The following PTGER4 variants were observed in gnomAD, a reference collection of about 807,000 sequenced individuals.
The protein encoded by PTGER4 is prostaglandin E2 receptor EP4 subtype.
In PTGER4, 11 loss-of-function variants were observed where a neutral mutation model predicts 33.2. That is an observed-to-expected ratio of 0.33 (90% CI 0.21 to 0.55). The LOEUF (loss-of-function observed/expected upper bound fraction) is 0.55, where lower values mean the gene tolerates loss of function less well. PTGER4 is among the 20% of genes least tolerant of loss of function. The pLI is 0.92. For missense variants in PTGER4, 481 were observed against 650.2 expected (o/e 0.74, Z 2.83); for synonymous variants, 275 against 281.5 (o/e 0.98, Z 0.23).
In PTGER4 at chr5:40,681,720, G is replaced by A. The variant is rs760820151; in HGVS notation, c.727G>A (p.Ala243Thr). ...AASVASRGHP[A>T]ASPALPRLSD... The stretch of plus-strand genomic sequence containing the variant: ...CTCGGTTGCCTCCCGGGGCCACCCC[G>A]CTGCCTCCCCAGCCTTGCCGCGCCT... The change falls in exon 2 of 3, where the codon GCT becomes ACT. Residue 243 changes from alanine (A) to threonine (T), a missense_variant. Physicochemically the swap from Ala to Thr is moderately conservative, Grantham distance 58. Coordinates refer to ENST00000302472, the MANE Select transcript of PTGER4 (RefSeq NM_000958.3). The surrounding 1 kb of genome is among the most constrained non-coding windows in gnomAD (Gnocchi z 9.8). The A allele has an allele frequency of 4.4e-6, 7 of 1,593,344 alleles. No individual in the cohort carries two copies. In the South Asian group the frequency reaches 4.4e-5, roughly 10 times the overall value.
the PTGER4 span, among the ~76,000 whole-genome samples, chr5:40,732,772 C>T: frequency 3.3e-5 from 5 of 152,068 alleles, no homozygotes; most frequent in Non-Finnish European, 5.9e-5. Flanking sequence ...CCACACCTGG[C>T]TAATTTTTGT....
downstream of PTGER4, among the ~76,000 whole-genome samples, chr5:40,694,871 AC>A (rs1188886016): frequency 6.6e-6 from 1 of 152,356 alleles, no homozygotes. Flanking sequence ...GTAAAACTTA[AC>A]AGCTATGCAA....
At chr5:40,741,611 T>C in the PTGER4 span, among the ~76,000 whole-genome samples, 1 of 152,126 alleles carries the variant, frequency 6.6e-6, no homozygotes, top group African/African-American at 2.4e-5. Context: ...CCAATCTCCA[T>C]CTCCTCACGC....
At chr5:40,698,172 G>A (rs565400075), downstream of PTGER4, among the ~76,000 whole-genome samples, 3 of 149,040 alleles carry the variant, frequency 2.0e-5, no homozygotes, top group East Asian at 4.0e-4. Flanking sequence ...CTAGCTACTC[G>A]GGAGACTGAG....
At chr5:40,697,274 GAAAGAAAGAAAGAA>G (rs1741632464), downstream of PTGER4, among the ~76,000 whole-genome samples, 1 of 123,172 alleles carries the variant, frequency 8.1e-6, no homozygotes, top group African/African-American at 2.7e-5. Flanking sequence ...AAGAAAGAAA[GAAAGAAAGAAAGAA>G]AGAAAGAAAA....
At chr5:40,696,750 A>G, downstream of PTGER4, 1 of 943,570 alleles carries the variant, frequency 1.1e-6, no homozygotes, top group Non-Finnish European at 1.3e-6. Context: ...ACACACTAAA[A>G]TCTGAACAAT....
the PTGER4 span, among the ~76,000 whole-genome samples, chr5:40,733,223 T>C: frequency 3.0e-3 from 451 of 152,256 alleles, 3 homozygotes; most frequent in African/African-American, 0.011. Context: ...AGAACCTGGA[T>C]GTTTGAGGTT....
chr5:40,697,440 C>A (rs562462054), downstream of PTGER4, among the ~76,000 whole-genome samples: 1 of 151,874 alleles, frequency 6.6e-6, no homozygotes, highest in South Asian at 2.1e-4. Flanking sequence ...GCAAAATTAG[C>A]CAGGCGTGGT....
the PTGER4 span, among the ~76,000 whole-genome samples, chr5:40,742,562 C>T: frequency 6.6e-5 from 10 of 152,272 alleles, no homozygotes; most frequent in East Asian, 1.9e-3. Flanking sequence ...ACCATAATCA[C>T]TGTATTGTAA....
chr5:40,698,449 T>C (rs1277822370), downstream of PTGER4, among the ~76,000 whole-genome samples: 1 of 152,100 alleles, frequency 6.6e-6, no homozygotes, highest in South Asian at 2.1e-4. Context: ...TTTTTAAAAA[T>C]GAAGAAATAG....
the PTGER4 span, among the ~76,000 whole-genome samples, chr5:40,727,599 G>A: frequency 1.3e-5 from 2 of 152,100 alleles, no homozygotes; most frequent in African/African-American, 2.4e-5. Context: ...CAGTCTAAAT[G>A]TTCATCACCA....
the PTGER4 span, among the ~76,000 whole-genome samples, chr5:40,700,428 C>T: frequency 1.3e-5 from 2 of 152,208 alleles, 1 homozygote; most frequent in Admixed American, 1.3e-4. Context: ...AACGAAGGAG[C>T]AAAGACCCTA....
rs368621696 is a variant in PTGER4 at position 40,681,913 on chromosome 5, C to G, written c.867+53C>G. 3.4e-6 allele frequency: 5 copies of G among 1,469,306 alleles called. No individual in the cohort carries two copies. In the African/African-American group the frequency reaches 5.9e-5, roughly 17 times the overall value. 91.0% of individuals were successfully genotyped at this position (1,469,306 alleles called of 1,614,324 possible). On this transcript the variant is annotated intron_variant, in intron 2 of 2. Coordinates refer to ENST00000302472, the MANE Select transcript of PTGER4 (RefSeq NM_000958.3). This position sits in a 1 kb window ranked among gnomAD's most constrained non-coding sequence, Gnocchi z 9.8. ...CGGCCTTTTTCTCGCATCCACCTCC[C>G]GCGTCCATTCCCCGCTCCCTGCTTT...
intron 2 of PTGER4, among the ~76,000 whole-genome samples, chr5:40,690,488 C>T (rs1179917314): frequency 6.6e-6 from 1 of 152,172 alleles, no homozygotes; most frequent in African/African-American, 2.4e-5. Flanking sequence ...CATGACTTTG[C>T]ACATGGAGCT....
Position 40,680,922 on chromosome 5 carries a change from C to G in PTGER4, c.-43-29C>G. ...TACAAGTGGTAATTTCCGCTCACGG[C>G]AGCTTTGTCTCTCTTCTACCATCCC... On this transcript the variant is annotated intron_variant, in intron 1 of 2. Transcript: ENST00000302472. The surrounding 1 kb of genome is among the most constrained non-coding windows in gnomAD (Gnocchi z 5.5). 1.3e-6 allele frequency: 2 copies of G among 1,523,408 alleles called. No individual in the cohort carries two copies. Among genetic ancestry groups the G allele is most frequent in the Non-Finnish European group, 1.8e-6 (2 of 1,134,032 alleles). 94.4% of individuals were successfully genotyped at this position (1,523,408 alleles called of 1,614,324 possible). A position where few individuals can be genotyped will look rare whatever the true frequency, so the allele number is the denominator to read the frequency against.
At chr5:40,698,066 C>T (rs1406537955), downstream of PTGER4, among the ~76,000 whole-genome samples, 1 of 110,988 alleles carries the variant, frequency 9.0e-6, no homozygotes, top group African/African-American at 3.5e-5. Context: ...CCTGTCTGGG[C>T]AACACAGTGA....
At chr5:40,716,599 C>G in the PTGER4 span, 1 of 742,874 alleles carries the variant, frequency 1.3e-6, no homozygotes, top group South Asian at 1.9e-5. Context: ...ACATACACAT[C>G]CTAATGCATT....
the PTGER4 span, among the ~76,000 whole-genome samples, chr5:40,726,143 T>A: frequency 1.4e-4 from 11 of 78,888 alleles, no homozygotes; most frequent in Admixed American, 6.3e-4. Flanking sequence ...ATAAAGTCTT[T>A]TATATATATA....
chr5:40,736,012 G>T, the PTGER4 span, among the ~76,000 whole-genome samples: 61 of 152,272 alleles, frequency 4.0e-4, no homozygotes, highest in African/African-American at 1.4e-3. Flanking sequence ...GGGTATGTTT[G>T]CATGCCAGCA....
Sources: allele counts gnomAD v4.1 joint callset (sites outside exome capture counted in the v4.1 genomes callset), GRCh38; gene constraint gnomAD v4.1.1; non-coding constraint Gnocchi (gnomAD v3.1); transcripts MANE v1.5; gene names NCBI Gene and HGNC (gene_info 2026-07-23, HGNC 2026-07-21).